Variants in FREM2 observed in about 807,000 individuals in gnomAD.
FREM2 encodes the protein FRAS1-related extracellular matrix protein 2.
Under a neutral mutation model 219.9 loss-of-function variants are expected in FREM2, and 119 were observed. That is an observed-to-expected ratio of 0.54 (90% CI 0.47 to 0.63). The LOEUF is 0.63. Ranked by LOEUF, FREM2 falls within the 30% of genes least tolerant of loss-of-function variation. The pLI, the probability that FREM2 is intolerant of heterozygous loss-of-function variation, is 0.00. For missense variants in FREM2, 4,030 were observed against 3,993.6 expected (o/e 1.01, Z -0.25); for synonymous variants, 1,562 against 1,522.8 (o/e 1.03, Z -0.60).
intron 6 of FREM2, among the ~76,000 whole-genome samples, chr13:38,821,331 A>G (rs1252781683): frequency 6.6e-6 from 1 of 152,124 alleles, no homozygotes; most frequent in Non-Finnish European, 1.5e-5. Flanking sequence ...ACTGACCTAG[A>G]AAGATACAAG....
chr13:38,714,965 A>C (rs919804298), intron 2 of FREM2, among the ~76,000 whole-genome samples: 5 of 151,938 alleles, frequency 3.3e-5, no homozygotes, highest in African/African-American at 1.2e-4. Context: ...GGTGGCGGGC[A>C]CCTGTAATCC....
chr13:38,876,179 C>T, intron 19 of FREM2, 30 bp downstream of exon 19: 2 of 1,614,046 alleles, frequency 1.2e-6, no homozygotes, highest in Non-Finnish European at 8.5e-7. Context: ...AATTAATTTT[C>T]TTCTGCTGCT....
At chr13:38,845,309 T>C (rs1476506958) in intron 6 of FREM2, among the ~76,000 whole-genome samples, 1 of 152,218 alleles carries the variant, frequency 6.6e-6, no homozygotes, top group Non-Finnish European at 1.5e-5. Context: ...TGAGCCATTG[T>C]TGTAGAGTTT....
Position 38,769,657 on chromosome 13 carries a change from A to G in FREM2, c.5490A>G (p.Pro1830=), listed in dbSNP as rs906891764. The stretch of plus-strand genomic sequence containing the variant: ...CACAGAAACAAGTGCAGTTCAACCC[A>G]GGCCAGACCAGGGCCACATGGCGAG... The part of the protein sequence containing the change: ...GKAQKQVQFN[P]GQTRATWRVR... The change falls in exon 4 of 24, where the codon CCA becomes CCG. Residue 1830 remains proline (P), a synonymous_variant. Transcript: ENST00000280481. The G allele has an allele frequency of 6.2e-7, 1 of 1,614,086 alleles. No homozygotes were observed. The highest frequency in any genetic ancestry group is 8.5e-7 in the Non-Finnish European group (1 of 1,180,028).
chr13:38,865,798 A>T (rs1029138044), intron 16 of FREM2, among the ~76,000 whole-genome samples: 2 of 152,232 alleles, frequency 1.3e-5, no homozygotes, highest in African/African-American at 4.8e-5. Context: ...TGGAATCTGG[A>T]TATTGGAATC....
At chr13:38,792,330 C>T (rs965309299) in intron 6 of FREM2, among the ~76,000 whole-genome samples, 4 of 152,162 alleles carry the variant, frequency 2.6e-5, no homozygotes, top group African/African-American at 7.2e-5. Flanking sequence ...GCCTGGGCAA[C>T]AAGCAAGACT....
intron 2 of FREM2, among the ~76,000 whole-genome samples, chr13:38,748,077 T>C (rs956223354): frequency 7.2e-5 from 11 of 152,202 alleles, no homozygotes; most frequent in Admixed American, 3.3e-4. Context: ...CTGGCCAAAA[T>C]CCTAACCTTT....
intron 6 of FREM2, among the ~76,000 whole-genome samples, chr13:38,788,102 T>C (rs901901851): frequency 1.3e-5 from 2 of 152,102 alleles, no homozygotes; most frequent in African/African-American, 2.4e-5. Flanking sequence ...CTGGCACTCA[T>C]TTAGAGGGTT....
chr13:38,767,413 C>T (rs1391203337), intron 3 of FREM2, among the ~76,000 whole-genome samples: 2 of 152,174 alleles, frequency 1.3e-5, no homozygotes, highest in African/African-American at 2.4e-5. Context: ...GCTTGACTAT[C>T]GTGCAGGAAG....
chr13:38,854,037 A>G (rs752425188), intron 11 of FREM2, among the ~76,000 whole-genome samples: 1 of 151,844 alleles, frequency 6.6e-6, no homozygotes, highest in Non-Finnish European at 1.5e-5. Flanking sequence ...TATAATGTTT[A>G]TATTAAAAAT....
intron 2 of FREM2, among the ~76,000 whole-genome samples, chr13:38,748,528 G>A (rs571339030): frequency 2.0e-5 from 3 of 152,254 alleles, no homozygotes; most frequent in Admixed American, 1.3e-4. Context: ...CAAATTATGC[G>A]CTGTAGATCA....
intron 16 of FREM2, among the ~76,000 whole-genome samples, chr13:38,866,463 A>C (rs1877968419): frequency 6.6e-6 from 1 of 151,880 alleles, no homozygotes; most frequent in East Asian, 1.9e-4. Context: ...ACGCCACTGC[A>C]CTCCAGCCTA....
chr13:38,796,485 C>T lies in FREM2; in HGVS notation c.6019+11677C>T, dbSNP rs1874789116. Among the ~76,000 whole-genome samples the T allele has an allele frequency of 2.0e-5, 3 of 152,070 alleles. No homozygotes were observed. The South Asian group carries it at 6.2e-4, about 31-fold the overall frequency. On this transcript the variant is annotated intron_variant, in intron 6 of 23. Coordinates refer to ENST00000280481, the MANE Select transcript of FREM2 (RefSeq NM_207361.6). ...GGAAGTTCCCCAAAACAGAGGATGGCAATTCTGATGCTAGGCATTTTAACA... is the reference window on the plus strand; with the variant it reads ...GGAAGTTCCCCAAAACAGAGGATGGTAATTCTGATGCTAGGCATTTTAACA...
At chr13:38,827,634 G>A (rs1452705397) in intron 6 of FREM2, 1 of 152,122 alleles carries the variant, frequency 6.6e-6, no homozygotes, top group African/African-American at 2.4e-5. Context: ...AATAATGGAA[G>A]AAGTGTGAGA....
chr13:38,771,650 A>G (rs4356348), intron 4 of FREM2, among the ~76,000 whole-genome samples: 1 of 152,016 alleles, frequency 6.6e-6, no homozygotes, highest in African/African-American at 2.4e-5. Flanking sequence ...ATGTATTGAT[A>G]ATCTAAGTTG....
At chr13:38,823,911 A>G (rs1016306607) in intron 6 of FREM2, among the ~76,000 whole-genome samples, 32 of 152,148 alleles carry the variant, frequency 2.1e-4, no homozygotes, top group African/African-American at 7.5e-4. Flanking sequence ...AAAGATTTGC[A>G]ATATGCAATT....
intron 6 of FREM2, among the ~76,000 whole-genome samples, chr13:38,833,612 A>T (rs1453444216): frequency 6.6e-6 from 1 of 152,178 alleles, no homozygotes; most frequent in Non-Finnish European, 1.5e-5. Flanking sequence ...ATGGAAAAAA[A>T]TAATTCAATG....
intron 4 of FREM2, among the ~76,000 whole-genome samples, chr13:38,779,895 G>A (rs749665076): frequency 2.0e-4 from 30 of 152,216 alleles, no homozygotes; most frequent in Admixed American, 9.8e-4. Context: ...ACTGGCCTCC[G>A]GGGCCCACAC....
At chr13:38,727,068 G>A (rs1871557711) in intron 2 of FREM2, among the ~76,000 whole-genome samples, 1 of 152,180 alleles carries the variant, frequency 6.6e-6, no homozygotes, top group Non-Finnish European at 1.5e-5. Context: ...TTCAGAGCTT[G>A]TTGGACGTAG....
Sources: allele counts gnomAD v4.1 joint callset (sites outside exome capture counted in the v4.1 genomes callset), GRCh38; gene constraint gnomAD v4.1.1; transcripts MANE v1.5; gene names NCBI Gene and HGNC (gene_info 2026-07-23, HGNC 2026-07-21).